SKAP2: variants seen among roughly 807,000 people sequenced by gnomAD.
SKAP2 encodes src kinase associated phosphoprotein 2.
SKAP2 carries 28 observed loss-of-function variants against 54.9 expected under a neutral mutation model. The observed-to-expected ratio is 0.51, with a 90% CI of 0.38 to 0.70. SKAP2 has a LOEUF of 0.70. SKAP2 is among the 30% of genes least tolerant of loss of function. The pLI, the probability that SKAP2 is intolerant of heterozygous loss-of-function variation, is 0.00. For missense variants in SKAP2, 356 were observed against 424.1 expected (o/e 0.84, Z 1.41); for synonymous variants, 137 against 134.3 (o/e 1.02, Z -0.14).
chr7:26,704,093 C>A (rs1163702257), intron 9 of SKAP2, among the ~76,000 whole-genome samples: 1 of 152,174 alleles, frequency 6.6e-6, no homozygotes, highest in East Asian at 1.9e-4. Context: ...TTTTAACACT[C>A]TTCAATGATA....
chr7:26,823,016 C>T (rs978199010), intron 4 of SKAP2, among the ~76,000 whole-genome samples: 11 of 152,092 alleles, frequency 7.2e-5, no homozygotes, highest in South Asian at 6.2e-4. Context: ...CGTAGAAAGT[C>T]GAGATAGGCC....
At chr7:26,842,341 A>C (rs1784833412) in intron 4 of SKAP2, among the ~76,000 whole-genome samples, 1 of 151,584 alleles carries the variant, frequency 6.6e-6, no homozygotes, top group South Asian at 2.1e-4. Flanking sequence ...GTATTTCCTG[A>C]ATATTTTGTT....
At chr7:26,785,832 C>T (rs1783532223) in intron 4 of SKAP2, among the ~76,000 whole-genome samples, 1 of 152,184 alleles carries the variant, frequency 6.6e-6, no homozygotes, top group African/African-American at 2.4e-5. Flanking sequence ...CCATAGTTAC[C>T]CCCATGCCTA....
At chr7:26,731,402 T>C (rs1319309784) in intron 6 of SKAP2, among the ~76,000 whole-genome samples, 2 of 152,190 alleles carry the variant, frequency 1.3e-5, no homozygotes, top group African/African-American at 4.8e-5. Context: ...CAGCTTTCTT[T>C]ATGGGTTCCT....
intron 9 of SKAP2, among the ~76,000 whole-genome samples, chr7:26,716,510 C>T (rs904252194): frequency 6.6e-6 from 1 of 152,136 alleles, no homozygotes; most frequent in African/African-American, 2.4e-5. Context: ...TCAGGTGTAT[C>T]TCCAAGAAGA....
intron 4 of SKAP2, among the ~76,000 whole-genome samples, chr7:26,819,607 T>G (rs968529320): frequency 1.3e-5 from 2 of 152,020 alleles, no homozygotes; most frequent in African/African-American, 4.8e-5. Flanking sequence ...TTTCTCCCCT[T>G]CTCAGTGTTC....
intron 4 of SKAP2, among the ~76,000 whole-genome samples, chr7:26,780,315 G>A (rs1012476302): frequency 1.3e-5 from 2 of 152,210 alleles, no homozygotes; most frequent in Admixed American, 6.5e-5. Flanking sequence ...ATTCTGCTTA[G>A]TTCAACTCAT....
intron 3 of SKAP2, 30 bp downstream of exon 3, chr7:26,854,107 T>A (rs757781887): frequency 2.0e-6 from 3 of 1,528,290 alleles, no homozygotes; most frequent in Non-Finnish European, 1.8e-6. Context: ...AGGAAAAAAA[T>A]TTTCAAGTTT....
intron 1 of SKAP2, chr7:26,857,800 C>T: frequency 1.1e-6 from 1 of 901,632 alleles, no homozygotes; most frequent in Non-Finnish European, 1.3e-6. Context: ...TTGGGCGAAT[C>T]AAGTGTTCCT....
At chr7:26,686,803 G>A (rs1786653397) in intron 10 of SKAP2, among the ~76,000 whole-genome samples, 1 of 152,192 alleles carries the variant, frequency 6.6e-6, no homozygotes, top group South Asian at 2.1e-4. Flanking sequence ...TCACATGCAA[G>A]GCCTTCCCCC....
At chr7:26,701,424 G>A (rs1447142821) in intron 9 of SKAP2, among the ~76,000 whole-genome samples, 2 of 152,040 alleles carry the variant, frequency 1.3e-5, no homozygotes, top group Non-Finnish European at 2.9e-5. Flanking sequence ...AATTGTTGAT[G>A]GATACCCCCT....
At chr7:26,712,109 T>C (rs1472863334) in intron 9 of SKAP2, among the ~76,000 whole-genome samples, 2 of 152,200 alleles carry the variant, frequency 1.3e-5, no homozygotes, top group Non-Finnish European at 2.9e-5. Context: ...AGGTTGAATA[T>C]TCCTCATCTG....
chr7:26,765,849 C>T (rs1783039801), intron 4 of SKAP2, among the ~76,000 whole-genome samples: 1 of 152,140 alleles, frequency 6.6e-6, no homozygotes, highest in African/African-American at 2.4e-5. Flanking sequence ...GGTACCAGTA[C>T]CATGCTGTTT....
chr7:26,731,921 C>T lies in SKAP2; in HGVS notation c.470-4915G>A, dbSNP rs138237323. ...TTGTTTTTTCTCTTCTTCATTGGCT[C>T]TCAGAAAAATATGCTTAAAACACCA... On this transcript the variant is annotated intron_variant, in intron 6 of 12. Coordinates refer to ENST00000345317, the MANE Select transcript of SKAP2 (RefSeq NM_003930.5). 1.1e-4 allele frequency among the ~76,000 whole-genome samples: 17 copies of T among 152,272 alleles called. No homozygotes were observed. The East Asian group carries it at 3.1e-3, about 28-fold the overall frequency.
chr7:26,755,686 C>T (rs1782776038), intron 4 of SKAP2, among the ~76,000 whole-genome samples: 1 of 152,146 alleles, frequency 6.6e-6, no homozygotes, highest in Non-Finnish European at 1.5e-5. Flanking sequence ...AGATTAGTGC[C>T]TGGGACACAG....
At chr7:26,787,521 A>C (rs991486145) in intron 4 of SKAP2, among the ~76,000 whole-genome samples, 1 of 151,926 alleles carries the variant, frequency 6.6e-6, no homozygotes, top group African/African-American at 2.4e-5. Context: ...ATGGGGTTTC[A>C]CCATGTTAGT....
chr7:26,766,130 G>A (rs145606608), intron 4 of SKAP2, among the ~76,000 whole-genome samples: 4,065 of 152,164 alleles, frequency 0.027, 176 homozygotes, highest in African/African-American at 0.093. Context: ...ATTTGTTTGT[G>A]TCCTGTCTTA....
intron 4 of SKAP2, among the ~76,000 whole-genome samples, chr7:26,823,411 G>A (rs1388333920): frequency 2.5e-5 from 3 of 122,322 alleles, no homozygotes; most frequent in Admixed American, 9.9e-5. Flanking sequence ...CGGCAACAGA[G>A]TGAGACTTTG....
chr7:26,851,296 A>G (rs1785036352), intron 3 of SKAP2, among the ~76,000 whole-genome samples: 1 of 151,252 alleles, frequency 6.6e-6, no homozygotes, highest in African/African-American at 2.4e-5. Context: ...GCATGGAGGC[A>G]AGCACCTATA....
Sources: gnomAD v4.1 joint callset for allele counts (sites outside exome capture counted in the v4.1 genomes callset) on GRCh38, gnomAD v4.1.1 for gene constraint, MANE v1.5 for transcripts, NCBI Gene and HGNC (gene_info 2026-07-23, HGNC 2026-07-21) for gene names.